PDGFD: variants seen among roughly 807,000 people sequenced by gnomAD.
PDGFD encodes the protein platelet-derived growth factor D.
In PDGFD, 30 loss-of-function variants were observed where a neutral mutation model predicts 44.7. That is an observed-to-expected ratio of 0.67 (90% confidence interval 0.50 to 0.91). The LOEUF (loss-of-function observed/expected upper bound fraction) is 0.91. Among genes scored for constraint, PDGFD ranks in the 40% least tolerant of loss-of-function variants. PDGFD has a pLI of 0.00. For missense variants in PDGFD, 445 were observed against 457.8 expected, an observed-to-expected ratio of 0.97 and a Z score of 0.25; for synonymous variants, 173 against 168.4, an observed-to-expected ratio of 1.03 and a Z score of -0.21.
In PDGFD at chr11:103,988,013, C is replaced by T. The variant is rs1591109043; in HGVS notation, c.510+8052G>A. 2.6e-5 allele frequency among the ~76,000 whole-genome samples: 4 copies of T among 152,218 alleles called. No individual in the cohort carries two copies. The South Asian group carries it at 6.2e-4, about 24-fold the overall frequency. On this transcript the variant is annotated intron_variant, in intron 3 of 6. Coordinates refer to ENST00000393158, the MANE Select transcript of PDGFD (RefSeq NM_025208.5). ...TTATTATCCACAGTAAGTCTTCAGA[C>T]ATATTTGTTGAATTTATAAGTGAAC...
chr11:104,130,652 T>C (rs1414480489), intron 1 of PDGFD, among the ~76,000 whole-genome samples: 1 of 152,180 alleles, frequency 6.6e-6, no homozygotes, highest in East Asian at 1.9e-4. Flanking sequence ...TTCAAGGACT[T>C]TGACTTTGCT....
intron 1 of PDGFD, among the ~76,000 whole-genome samples, chr11:104,071,620 T>C (rs896325897): frequency 1.3e-5 from 2 of 151,910 alleles, no homozygotes; most frequent in Non-Finnish European, 2.9e-5. Flanking sequence ...CCTTTGACTT[T>C]ATTTAAATTG....
At chr11:104,010,066 C>T (rs758906430) in intron 1 of PDGFD, among the ~76,000 whole-genome samples, 6 of 152,264 alleles carry the variant, frequency 3.9e-5, no homozygotes, top group Middle Eastern at 6.8e-3. Context: ...GCTGATTAAA[C>T]ATCAGACATT....
chr11:104,162,099 G>C (rs541373421), intron 1 of PDGFD, among the ~76,000 whole-genome samples: 1 of 151,400 alleles, frequency 6.6e-6, no homozygotes, highest in South Asian at 2.1e-4. Context: ...CAGATGTATG[G>C]AGATGTATAG....
chr11:104,088,880 T>C (rs1036390301), intron 1 of PDGFD, among the ~76,000 whole-genome samples: 3 of 151,694 alleles, frequency 2.0e-5, no homozygotes, highest in African/African-American at 7.3e-5. Context: ...GGTGCACCTG[T>C]CCATTAGCTC....
rs528571262 is a variant in PDGFD at position 103,998,315 on chromosome 11, A to G, written c.329+1736T>C. 2.0e-5 allele frequency among the ~76,000 whole-genome samples: 3 copies of G among 152,324 alleles called. No individual in the cohort carries two copies. In the East Asian group the frequency reaches 5.8e-4, roughly 29 times the overall value. ...AGCTTCAGAATGGAGGCTCATCACC[A>G]GAAAGAACAAGACATGATTAGAGAG... On this transcript the variant is annotated intron_variant, in intron 2 of 6. Coordinates refer to ENST00000393158, the MANE Select transcript of PDGFD (RefSeq NM_025208.5).
At chr11:104,118,743 T>C (rs867520939) in intron 1 of PDGFD, among the ~76,000 whole-genome samples, 1 of 84,374 alleles carries the variant, frequency 1.2e-5, no homozygotes, top group African/African-American at 4.6e-5. Flanking sequence ...TTAATATATA[T>C]TATTATATAG....
At chr11:104,114,757 TC>T (rs1861607580) in intron 1 of PDGFD, among the ~76,000 whole-genome samples, 1 of 152,038 alleles carries the variant, frequency 6.6e-6, no homozygotes, top group African/African-American at 2.4e-5. Flanking sequence ...TTTATTAAGT[TC>T]TTTGATTTCT....
intron 1 of PDGFD, among the ~76,000 whole-genome samples, chr11:104,163,177 G>A (rs370557073): frequency 1.6e-3 from 244 of 152,190 alleles, no homozygotes; most frequent in African/African-American, 5.5e-3. Context: ...AACCCCAGAA[G>A]CCTTGGTCTC....
intron 1 of PDGFD, among the ~76,000 whole-genome samples, chr11:104,049,010 G>A (rs553652598): frequency 1.1e-4 from 16 of 152,332 alleles, no homozygotes; most frequent in South Asian, 8.3e-4. Context: ...GAGGAACACA[G>A]AGGTTGTGTC....
At chr11:103,970,289 A>G (rs1204709222) in intron 3 of PDGFD, among the ~76,000 whole-genome samples, 1 of 152,128 alleles carries the variant, frequency 6.6e-6, no homozygotes, top group African/African-American at 2.4e-5. Context: ...TAGGGAGTAA[A>G]TAAGTTTTAA....
intron 1 of PDGFD, among the ~76,000 whole-genome samples, chr11:104,050,202 G>T (rs1860510289): frequency 2.0e-5 from 3 of 152,106 alleles, no homozygotes; most frequent in Admixed American, 2.0e-4. Context: ...AGCAGGAAGA[G>T]TTCATTACTT....
chr11:104,077,526 T>C (rs1452216313), intron 1 of PDGFD, among the ~76,000 whole-genome samples: 1 of 151,920 alleles, frequency 6.6e-6, no homozygotes, highest in East Asian at 1.9e-4. Context: ...AGAAAATGAG[T>C]TCAATGCTCA....
chr11:104,000,836 A>C (rs1859609358), intron 1 of PDGFD, among the ~76,000 whole-genome samples: 1 of 152,210 alleles, frequency 6.6e-6, no homozygotes, highest in Non-Finnish European at 1.5e-5. Flanking sequence ...AAATAGGTCC[A>C]ATTCTTACTG....
chr11:104,157,030 C>T (rs763898607), intron 1 of PDGFD, among the ~76,000 whole-genome samples: 1 of 152,152 alleles, frequency 6.6e-6, no homozygotes, highest in African/African-American at 2.4e-5. Flanking sequence ...TTTTAAATTG[C>T]ATTAATTCTG....
At chr11:104,005,066 A>G (rs1253587070) in intron 1 of PDGFD, among the ~76,000 whole-genome samples, 2 of 151,950 alleles carry the variant, frequency 1.3e-5, no homozygotes, top group African/African-American at 4.8e-5. Context: ...TTTAATAGAG[A>G]CAGGGCTTCA....
At chr11:104,154,327 G>A (rs892356846) in intron 1 of PDGFD, among the ~76,000 whole-genome samples, 30 of 152,036 alleles carry the variant, frequency 2.0e-4, no homozygotes, top group African/African-American at 2.4e-4. Context: ...CGTGTCCTGC[G>A]TTAGTTTTGG....
chr11:103,921,981 T>C (rs1858231409), intron 6 of PDGFD, among the ~76,000 whole-genome samples: 3 of 151,538 alleles, frequency 2.0e-5, no homozygotes, highest in Admixed American at 2.0e-4. Flanking sequence ...ATTGCAAATA[T>C]AGGTTATTCC....
intron 1 of PDGFD, among the ~76,000 whole-genome samples, chr11:104,132,369 T>C (rs962006195): frequency 5.3e-5 from 8 of 152,122 alleles, no homozygotes; most frequent in Non-Finnish European, 1.2e-4. Context: ...TTTTTTCTTT[T>C]TTTTCTGCTC....
Sources: gnomAD v4.1 joint callset for allele counts (sites outside exome capture counted in the v4.1 genomes callset) on GRCh38, gnomAD v4.1.1 for gene constraint, MANE v1.5 for transcripts, NCBI Gene and HGNC (gene_info 2026-07-23, HGNC 2026-07-21) for gene names.